FAM227B: variants seen among roughly 807,000 people sequenced by gnomAD.
FAM227B encodes protein FAM227B.
FAM227B carries 88 observed loss-of-function variants against 73.8 expected under a neutral mutation model. That is an observed-to-expected ratio of 1.19 (90% confidence interval 1.00 to 1.42). The LOEUF (loss-of-function observed/expected upper bound fraction) is 1.42. FAM227B is among the 40% of genes most tolerant of loss of function. FAM227B has a pLI of 0.00. For synonymous variants in FAM227B, 210 were observed against 190.5 expected (o/e 1.10, Z -0.84); for missense variants, 632 against 590.9 (o/e 1.07, Z -0.72).
intron 11 of FAM227B, among the ~76,000 whole-genome samples, chr15:49,481,229 T>A (rs1436144232): frequency 6.6e-6 from 1 of 152,236 alleles, no homozygotes; most frequent in Non-Finnish European, 1.5e-5. Context: ...ACAGTTTTTG[T>A]CATAAAAGTA....
intron 5 of FAM227B, among the ~76,000 whole-genome samples, chr15:49,581,986 G>A (rs1358486291): frequency 6.6e-6 from 1 of 152,136 alleles, no homozygotes; most frequent in Non-Finnish European, 1.5e-5. Flanking sequence ...GGCACCCCTT[G>A]GTCTGCTGGC....
chr15:49,361,479 A>G (rs2151407051), intron 13 of FAM227B, among the ~76,000 whole-genome samples: 1 of 152,210 alleles, frequency 6.6e-6, no homozygotes. Context: ...GCTCCTACTT[A>G]TTAGTGAGAA....
intron 9 of FAM227B, among the ~76,000 whole-genome samples, chr15:49,563,319 C>CACT (rs1362276846): frequency 6.6e-6 from 1 of 152,052 alleles, no homozygotes; most frequent in African/African-American, 2.4e-5. Context: ...AACTACAAAA[C>CACT]ACTGCTCAAA....
chr15:49,512,815 T>C (rs964705123), intron 10 of FAM227B, among the ~76,000 whole-genome samples: 1 of 152,148 alleles, frequency 6.6e-6, no homozygotes, highest in African/African-American at 2.4e-5. Context: ...CGTGTTCTCA[T>C]TGTTCAACTC....
chr15:49,372,111 CATTTATAAATAAATGAAA>C (rs2045876076), intron 11 of FAM227B, among the ~76,000 whole-genome samples: 1 of 87,056 alleles, frequency 1.1e-5, no homozygotes, highest in African/African-American at 4.5e-5. Context: ...AAATAAAATT[CATTTATAAATAAATGAAA>C]TAAAATTCAT....
chr15:49,359,834 C>T (rs868243005), intron 13 of FAM227B, among the ~76,000 whole-genome samples: 31 of 138,692 alleles, frequency 2.2e-4, no homozygotes, highest in African/African-American at 8.2e-4. Flanking sequence ...GACTTGGAAC[C>T]AACCCAAATG....
intron 3 of FAM227B, among the ~76,000 whole-genome samples, chr15:49,606,579 G>C (rs1297877150): frequency 6.6e-6 from 1 of 152,132 alleles, no homozygotes; most frequent in Non-Finnish European, 1.5e-5. Context: ...CTTGATCTCT[G>C]ACCTCCCACA....
intron 13 of FAM227B, among the ~76,000 whole-genome samples, chr15:49,360,783 T>C (rs2044086633): frequency 6.6e-6 from 1 of 152,208 alleles, no homozygotes; most frequent in African/African-American, 2.4e-5. Flanking sequence ...AATGAATTAG[T>C]GTACATTAAC....
Position 49,508,281 on chromosome 15 carries a change from A to C in FAM227B, c.942T>G (p.His314Gln). ...KLKELSTTTIHGSKKAPAKSV... is the reference protein window; with the variant it reads ...KLKELSTTTIQGSKKAPAKSV... The stretch of plus-strand genomic sequence containing the variant: ...ATTTTGCAGGTGCTTTTTTGCTACC[A>C]TGAATGGTGGTTGTGGAGAGTTCTT... The change falls in exon 11 of 16, where the codon CAT becomes CAG. Residue 314 changes from histidine to glutamine, a missense_variant. By Grantham distance (24) the His-to-Gln change is conservative (BLOSUM62 0). Coordinates refer to ENST00000299338, the MANE Select transcript of FAM227B (RefSeq NM_152647.3). The C allele has an allele frequency of 1.9e-6, 3 of 1,611,410 alleles. No individual in the cohort carries two copies. The highest frequency in any genetic ancestry group is 2.5e-6 in the Non-Finnish European group (3 of 1,178,766).
chr15:49,363,669 G>C (rs1044740547), intron 13 of FAM227B, among the ~76,000 whole-genome samples: 5 of 152,118 alleles, frequency 3.3e-5, no homozygotes, highest in South Asian at 4.1e-4. Flanking sequence ...TGTTGAATAG[G>C]AGTGTTGAGA....
intron 11 of FAM227B, among the ~76,000 whole-genome samples, chr15:49,444,810 C>T (rs2052029055): frequency 1.3e-5 from 2 of 151,650 alleles, no homozygotes; most frequent in African/African-American, 2.4e-5. Flanking sequence ...CATCTTGAAT[C>T]AATGTTTTTG....
intron 13 of FAM227B, among the ~76,000 whole-genome samples, chr15:49,350,162 T>C (rs1025187720): frequency 3.9e-5 from 6 of 152,234 alleles, no homozygotes; most frequent in African/African-American, 1.4e-4. Context: ...GGCAGTGTTG[T>C]TCATAGTACT....
chr15:49,337,596 T>TACATGTGCCATGGTGGTTTGCTGCAC (rs1415600900), intron 13 of FAM227B, among the ~76,000 whole-genome samples: 16 of 146,262 alleles, frequency 1.1e-4, no homozygotes, highest in Admixed American at 2.8e-4. Context: ...TACATAGGTA[T>TACATGTGCCATGGTGGTTTGCTGCAC]ACATGTGCCA....
At chr15:49,567,734 C>A (rs1454499174) in intron 9 of FAM227B, among the ~76,000 whole-genome samples, 1 of 152,056 alleles carries the variant, frequency 6.6e-6, no homozygotes, top group Admixed American at 6.6e-5. Flanking sequence ...CTTCATTTCA[C>A]ACTACCCAGG....
intron 11 of FAM227B, chr15:49,424,347 C>T: frequency 6.2e-7 from 1 of 1,613,454 alleles, no homozygotes; most frequent in East Asian, 2.2e-5. Flanking sequence ...CTCTACAGAT[C>T]ATGCTTTCAC....
At chr15:49,371,652 A>AAAT (rs1289308774) in intron 11 of FAM227B, among the ~76,000 whole-genome samples, 1 of 147,954 alleles carries the variant, frequency 6.8e-6, no homozygotes, top group Non-Finnish European at 1.5e-5. Flanking sequence ...ACTTATAAAT[A>AAAT]AATGAAATAA....
chr15:49,347,742 G>A lies in FAM227B; in HGVS notation c.1272-12246C>T, dbSNP rs770882309. ...CCATTAAAATGGATAACATTGGCCA[G>A]GCATGGTGGCTCACGCCAGTAATCT... is the stretch of plus-strand genomic sequence containing the variant. On this transcript the variant is annotated intron_variant, in intron 13 of 15. Coordinates refer to ENST00000299338, the MANE Select transcript of FAM227B (RefSeq NM_152647.3). Among the ~76,000 whole-genome samples the A allele has an allele frequency of 5.2e-4, 79 of 152,124 alleles. 1 individual carries two copies. The highest frequency in any genetic ancestry group is 1.9e-3 in the Admixed American group (29 of 15,276).
chr15:49,576,052 G>A (rs1003525556), intron 7 of FAM227B: 4 of 152,172 alleles, frequency 2.6e-5, no homozygotes, highest in Non-Finnish European at 5.9e-5. Context: ...CTCATGGCAA[G>A]AAAATTATTA....
At chr15:49,580,077 CA>C (rs2075715024) in intron 5 of FAM227B, among the ~76,000 whole-genome samples, 1 of 151,980 alleles carries the variant, frequency 6.6e-6, no homozygotes, top group Non-Finnish European at 1.5e-5. Flanking sequence ...AAAACGAGAC[CA>C]CAAAAATATA....
Sources: allele counts gnomAD v4.1 joint callset (sites outside exome capture counted in the v4.1 genomes callset), GRCh38; gene constraint gnomAD v4.1.1; transcripts MANE v1.5; gene names NCBI Gene and HGNC (gene_info 2026-07-23, HGNC 2026-07-21).